Variants in CYP2E1 observed in about 807,000 individuals in gnomAD.
CYP2E1 encodes the protein cytochrome P450 2E1.
CYP2E1 carries 31 observed loss-of-function variants against 42.9 expected under a neutral mutation model. That is an observed-to-expected ratio of 0.72 (90% CI 0.54 to 0.98). The LOEUF is 0.98. Among genes scored for constraint, CYP2E1 ranks in the 50% least tolerant of loss-of-function variants. CYP2E1 has a pLI of 0.00. For missense variants in CYP2E1, 565 were observed against 633.2 expected, an observed-to-expected ratio of 0.89 and a Z score of 1.16; for synonymous variants, 244 against 248.9, an observed-to-expected ratio of 0.98 and a Z score of 0.19.
chr10:133,531,547 G>T (rs775252735), intron 2 of CYP2E1, 38 bp from the exon 3 acceptor site: 2 of 1,612,274 alleles, frequency 1.2e-6, no homozygotes, highest in African/African-American at 2.7e-5. Context: ...CCCAAAATGG[G>T]TATTTAGAAT....
intron 1 of CYP2E1, among the ~76,000 whole-genome samples, 195 bp downstream of exon 1, chr10:133,527,767 A>C (rs1269276358): frequency 1.3e-5 from 2 of 152,148 alleles, no homozygotes; most frequent in African/African-American, 4.8e-5. Flanking sequence ...CCTGCGTGCC[A>C]GGCCCCGGAG....
At chr10:133,528,252 C>T (rs1437193365) in intron 1 of CYP2E1, 1 of 511,954 alleles carries the variant, frequency 2.0e-6, no homozygotes, top group Non-Finnish European at 3.5e-6. Context: ...TCCGCGGAGT[C>T]CAGGCGGGTG....
chr10:133,534,117 C>T (rs1851371383), intron 6 of CYP2E1, among the ~76,000 whole-genome samples: 1 of 152,148 alleles, frequency 6.6e-6, no homozygotes, highest in African/African-American at 2.4e-5. Flanking sequence ...CACTAAGACA[C>T]CCCTGGTTGC....
chr10:133,531,597 A>G lies in CYP2E1; in HGVS notation c.350A>G (p.Asn117Ser). ...CCCTCTGCCTTAGGAATCATTTTTAATAATGGACCTACCTGGAAGGACATC... is the reference window on the plus strand; with the variant it reads ...CCCTCTGCCTTAGGAATCATTTTTAGTAATGGACCTACCTGGAAGGACATC... ...HAHRDRGIIF[N>S]NGPTWKDIRR... Residue 117 changes from asparagine (N) to serine (S), a missense_variant, in exon 3 of 9, where the codon AAT (asparagine) becomes AGT (serine). Physicochemically the swap from Asn to Ser is conservative, Grantham distance 46. Transcript: ENST00000252945. The G allele has an allele frequency of 6.2e-7, 1 of 1,614,116 alleles. No homozygotes were observed. Among genetic ancestry groups the G allele is most frequent in the Admixed American group, 1.7e-5 (1 of 60,018 alleles).
At chr10:133,534,791 G>A (rs1033128921) in intron 6 of CYP2E1, among the ~76,000 whole-genome samples, 5 of 152,168 alleles carry the variant, frequency 3.3e-5, no homozygotes, top group Non-Finnish European at 7.3e-5. Context: ...CCCCAAGAAA[G>A]TCGACATGTG....
intron 6 of CYP2E1, among the ~76,000 whole-genome samples, chr10:133,534,450 G>T (rs1258424058): frequency 1.3e-5 from 2 of 152,168 alleles, no homozygotes; most frequent in African/African-American, 4.8e-5. Flanking sequence ...AAAGGTCTGG[G>T]TCTAGGTGGG....
rs78313785 is a variant in CYP2E1 at position 133,532,699 on chromosome 10, A to G, written c.656A>G (p.Asn219Ser). ...ATTTTTTTCCCTCTCTAGCTTTACA[A>G]TAATTTTCCCAGCTTTCTACACTAC... ...LLSTPWLQLY[N>S]NFPSFLHYLP... The change falls in exon 5 of 9, where the codon AAT (asparagine) becomes AGT (serine). Residue 219 changes from asparagine (N) to serine (S), a missense_variant. Physicochemically the swap from Asn to Ser is conservative, Grantham distance 46. Transcript: ENST00000252945. 1 of 1,593,562 alleles carries G rather than the reference A, an allele frequency of 6.3e-7. No individual in the cohort carries two copies. Among genetic ancestry groups the G allele is most frequent in the Non-Finnish European group, 8.5e-7 (1 of 1,174,010 alleles).
chr10:133,527,754 G>A (rs979038172), intron 1 of CYP2E1, among the ~76,000 whole-genome samples, 182 bp downstream of exon 1: 1 of 152,178 alleles, frequency 6.6e-6, no homozygotes, highest in Non-Finnish European at 1.5e-5. Context: ...CTGGAGCCCG[G>A]AGCCTGCGTG....
Position 133,533,914 on chromosome 10 carries a change from A to G in CYP2E1, c.967+17A>G. 1 of 1,613,724 alleles carries G rather than the reference A, an allele frequency of 6.2e-7. No homozygotes were observed. The highest frequency in any genetic ancestry group is 1.1e-5 in the South Asian group (1 of 91,066). ...AGATCGAAGGTAGGCAAGTGACTGA[A>G]GGGACACCGTGCGTGCGGCTGCATC... On this transcript the variant is annotated intron_variant, in intron 6 of 8. Transcript: ENST00000252945.
chr10:133,530,382 T>C (rs1851321924), intron 2 of CYP2E1, among the ~76,000 whole-genome samples: 2 of 152,160 alleles, frequency 1.3e-5, no homozygotes. Context: ...CCACTCAACA[T>C]GACCACGTCT....
At chr10:133,538,272 A>G (rs1851429549) in intron 8 of CYP2E1, among the ~76,000 whole-genome samples, 1 of 152,192 alleles carries the variant, frequency 6.6e-6, no homozygotes, top group African/African-American at 2.4e-5. Context: ...ACCTTTGGTT[A>G]CCTAGAATCA....
intron 1 of CYP2E1, 155 bp from the exon 2 acceptor site, chr10:133,528,326 T>G (rs1589953210): frequency 1.2e-6 from 1 of 820,428 alleles, no homozygotes; most frequent in Non-Finnish European, 1.9e-6. Flanking sequence ...GAGGGGAGGG[T>G]CTCCCCCACC....
chr10:133,528,223 C>T (rs56361460), intron 1 of CYP2E1: 5 of 398,908 alleles, frequency 1.3e-5, no homozygotes, highest in East Asian at 1.2e-4. Flanking sequence ...CCGGAGTCCG[C>T]GGAGTTGCCG....
intron 8 of CYP2E1, among the ~76,000 whole-genome samples, 170 bp from the exon 9 acceptor site, chr10:133,538,610 C>T (rs1851435144): frequency 6.6e-6 from 1 of 152,132 alleles, no homozygotes; most frequent in Admixed American, 6.5e-5. Context: ...GGTATCCTTC[C>T]ACTCAAGTAC....
chr10:133,537,386 C>A, intron 7 of CYP2E1, 136 bp downstream of exon 7: 2 of 844,208 alleles, frequency 2.4e-6, no homozygotes, highest in Non-Finnish European at 3.7e-6. Flanking sequence ...TGGCCCCACT[C>A]CCACCCTGTG....
chr10:133,531,678 A>T lies in CYP2E1; in HGVS notation c.431A>T (p.Glu144Val). Reference sequence around the variant, plus strand: ...TATGGGATGGGGAAACAGGGCAATGAGAGCCGGATCCAGAGGGAGGCCCAC... The same window carrying T: ...TATGGGATGGGGAAACAGGGCAATGTGAGCCGGATCCAGAGGGAGGCCCAC... ...RNYGMGKQGN[E>V]SRIQREAHFL... The change falls in exon 3 of 9, where the codon GAG (glutamate) becomes GTG (valine). Residue 144 changes from glutamate to valine, a missense_variant. Physicochemically the swap from Glu to Val is moderately radical, Grantham distance 121. Coordinates refer to ENST00000252945, the MANE Select transcript of CYP2E1 (RefSeq NM_000773.4). The T allele has an allele frequency of 6.2e-7, 1 of 1,613,214 alleles. No homozygotes were observed. The highest frequency in any genetic ancestry group is 8.5e-7 in the Non-Finnish European group (1 of 1,179,578).
chr10:133,530,126 G>A (rs907522145), intron 2 of CYP2E1, among the ~76,000 whole-genome samples: 2 of 152,132 alleles, frequency 1.3e-5, no homozygotes, highest in African/African-American at 4.8e-5. Context: ...ATTTTCATAT[G>A]ACCCGCAGGG....
chr10:133,533,030 C>G (rs1851357512), intron 5 of CYP2E1, among the ~76,000 whole-genome samples, 162 bp downstream of exon 5: 1 of 152,240 alleles, frequency 6.6e-6, no homozygotes, highest in Admixed American at 6.5e-5. Flanking sequence ...CCACTGGACG[C>G]AAGTCAGCCT....
intron 3 of CYP2E1, 41 bp from the exon 4 acceptor site, chr10:133,532,083 T>C (rs1851344569): frequency 1.3e-6 from 2 of 1,596,086 alleles, no homozygotes; most frequent in South Asian, 2.2e-5. Context: ...AGGAGTCTCC[T>C]CACCCCCATC....
Sources: gnomAD v4.1 joint callset for allele counts (sites outside exome capture counted in the v4.1 genomes callset) on GRCh38, gnomAD v4.1.1 for gene constraint, MANE v1.5 for transcripts, NCBI Gene and HGNC (gene_info 2026-07-23, HGNC 2026-07-21) for gene names.